Variants in SGCD observed in about 807,000 individuals in gnomAD.
SGCD encodes the protein delta-sarcoglycan.
A neutral mutation model predicts 36.6 loss-of-function variants in SGCD; 18 were observed. The observed-to-expected ratio is 0.49, with a 90% confidence interval of 0.34 to 0.73. SGCD has a LOEUF of 0.73. Ranked by LOEUF, SGCD falls within the 30% of genes least tolerant of loss-of-function variation. The pLI is 0.01. For missense variants in SGCD, 387 were observed against 346.7 expected (o/e 1.12, Z -0.92); for synonymous variants, 133 against 130.6 (o/e 1.02, Z -0.12).
intron 3 of SGCD, among the ~76,000 whole-genome samples, chr5:156,305,227 G>C (rs1767172551): frequency 6.6e-6 from 1 of 152,156 alleles, no homozygotes. Context: ...CCCATCACAG[G>C]TCAGGAGGCC....
chr5:156,044,395 T>C (rs1759713221), intron 1 of SGCD, among the ~76,000 whole-genome samples: 1 of 152,214 alleles, frequency 6.6e-6, no homozygotes, highest in African/African-American at 2.4e-5. Context: ...CTTAGAGGAA[T>C]ATTTTCATAG....
intron 7 of SGCD, among the ~76,000 whole-genome samples, chr5:156,669,737 T>C (rs1385311235): frequency 2.0e-5 from 3 of 152,188 alleles, no homozygotes; most frequent in African/African-American, 7.2e-5. Flanking sequence ...TGAAACACTT[T>C]CAGAATCCAT....
At chr5:155,959,067 C>T (rs911871884) in intron 1 of SGCD, among the ~76,000 whole-genome samples, 1 of 152,094 alleles carries the variant, frequency 6.6e-6, no homozygotes, top group Non-Finnish European at 1.5e-5. Flanking sequence ...AGGACATCAA[C>T]AAATGTAATT....
At chr5:156,204,827 T>C (rs1764236248) in intron 3 of SGCD, among the ~76,000 whole-genome samples, 2 of 152,224 alleles carry the variant, frequency 1.3e-5, no homozygotes, top group South Asian at 4.1e-4. Flanking sequence ...AAGTAGCTAC[T>C]TAAAAATAAG....
chr5:156,205,510 C>T (rs1020104074), intron 3 of SGCD, among the ~76,000 whole-genome samples: 6 of 152,028 alleles, frequency 3.9e-5, no homozygotes, highest in African/African-American at 1.2e-4. Context: ...TCGTATAAGA[C>T]AATAATCTGT....
At chr5:156,683,199 T>C (rs1344263438) in intron 7 of SGCD, among the ~76,000 whole-genome samples, 7 of 152,196 alleles carry the variant, frequency 4.6e-5, no homozygotes, top group Non-Finnish European at 1.0e-4. Flanking sequence ...GAGTGTAGGA[T>C]TGTTCATGCT....
chr5:155,807,476 C>A, the SGCD span, among the ~76,000 whole-genome samples: 3 of 152,218 alleles, frequency 2.0e-5, no homozygotes, highest in African/African-American at 4.8e-5. Flanking sequence ...GAAGCTTGGG[C>A]CAGCCAGTAA....
At chr5:156,085,111 A>C (rs556587122) in intron 1 of SGCD, among the ~76,000 whole-genome samples, 2 of 151,032 alleles carry the variant, frequency 1.3e-5, no homozygotes, top group Non-Finnish European at 3.0e-5. Context: ...TTTTTTTTTG[A>C]GAATTTTTGC....
At chr5:156,094,927 G>A (rs527480482) in intron 1 of SGCD, among the ~76,000 whole-genome samples, 35 of 152,270 alleles carry the variant, frequency 2.3e-4, no homozygotes, top group African/African-American at 7.9e-4. Context: ...CCTGAACCTG[G>A]GAGGTGGAGG....
chr5:156,220,788 T>C (rs896085342), intron 3 of SGCD, among the ~76,000 whole-genome samples: 4 of 152,150 alleles, frequency 2.6e-5, no homozygotes, highest in African/African-American at 9.7e-5. Flanking sequence ...AGCAAGTAAA[T>C]CTCAGCCCAC....
intron 7 of SGCD, among the ~76,000 whole-genome samples, chr5:156,740,781 C>T (rs1397134794): frequency 2.0e-5 from 3 of 152,172 alleles, no homozygotes; most frequent in Non-Finnish European, 4.4e-5. Context: ...CCTGGCATTC[C>T]GATTTAATTT....
rs1221573683 is a variant in SGCD at position 156,757,630 on chromosome 5, G to A, written c.625G>A (p.Glu209Lys). 6.2e-7 allele frequency: 1 copy of A among 1,611,488 alleles called. No individual in the cohort carries two copies. The highest frequency in any genetic ancestry group is 8.5e-7 in the Non-Finnish European group (1 of 1,178,950). Residue 209 changes from glutamate (E) to lysine (K), a missense_variant, in exon 8 of 9, where the codon GAA (glutamate) becomes AAA (lysine). Transcript: ENST00000337851. The part of the protein sequence containing the change: ...SLVMEAPKGV[E>K]INAEAGNMEA... The stretch of plus-strand genomic sequence containing the variant: ...AGTGATGGAGGCCCCAAAAGGAGTG[G>A]AAATCAATGCAGAAGCTGGCAATAT...
chr5:156,324,572 C>G (rs565904767), upstream of SGCD, among the ~76,000 whole-genome samples: 5 of 152,158 alleles, frequency 3.3e-5, no homozygotes, highest in Non-Finnish European at 7.4e-5. Context: ...AAACTGAGAT[C>G]TCTCCAGATG....
At chr5:155,736,672 C>G in the SGCD span, among the ~76,000 whole-genome samples, 1 of 152,164 alleles carries the variant, frequency 6.6e-6, no homozygotes, top group South Asian at 2.1e-4. Context: ...ATAAATATTA[C>G]TGTCACTGCT....
chr5:156,758,679 T>C (rs1222613257), intron 8 of SGCD, among the ~76,000 whole-genome samples: 9 of 152,200 alleles, frequency 5.9e-5, no homozygotes, highest in Admixed American at 5.2e-4. Flanking sequence ...GTTATAATCG[T>C]AAATCTAATG....
chr5:156,599,773 C>A (rs1761090737), intron 6 of SGCD, among the ~76,000 whole-genome samples: 2 of 152,192 alleles, frequency 1.3e-5, no homozygotes, highest in African/African-American at 2.4e-5. Flanking sequence ...GCAGAGCAAC[C>A]AAGAGCCATG....
At chr5:156,231,540 A>C (rs558352351) in intron 3 of SGCD, among the ~76,000 whole-genome samples, 72 of 152,310 alleles carry the variant, frequency 4.7e-4, no homozygotes, top group African/African-American at 1.5e-3. Context: ...TGTCTCAAAT[A>C]AATCAATCAA....
upstream of SGCD, chr5:156,326,692 CAG>C (rs1297692925): frequency 6.6e-6 from 1 of 152,342 alleles, no homozygotes; most frequent in Non-Finnish European, 1.5e-5. Flanking sequence ...AGGGGGCTGA[CAG>C]GGGTCAGCTG....
intron 3 of SGCD, among the ~76,000 whole-genome samples, chr5:156,354,453 G>C (rs1769406937): frequency 6.6e-6 from 1 of 152,118 alleles, no homozygotes; most frequent in African/African-American, 2.4e-5. Flanking sequence ...ACTTTGGAGA[G>C]GTCAAACTGA....
Sources: gnomAD v4.1 joint callset for allele counts (sites outside exome capture counted in the v4.1 genomes callset) on GRCh38, gnomAD v4.1.1 for gene constraint, MANE v1.5 for transcripts, NCBI Gene and HGNC (gene_info 2026-07-23, HGNC 2026-07-21) for gene names.